NUBPL: variants seen among roughly 807,000 people sequenced by gnomAD.
NUBPL encodes NUBP iron-sulfur cluster assembly factor, mitochondrial.
A neutral mutation model predicts 45.7 loss-of-function variants in NUBPL; 31 were observed. The observed-to-expected ratio is 0.68, with a 90% CI of 0.51 to 0.92. The LOEUF (loss-of-function observed/expected upper bound fraction) is 0.92. Ranked by LOEUF, NUBPL falls within the 40% of genes least tolerant of loss-of-function variation. The pLI, the probability that NUBPL is intolerant of heterozygous loss-of-function variation, is 0.00. For missense variants in NUBPL, 401 were observed against 398.7 expected (o/e 1.01, Z -0.05); for synonymous variants, 144 against 140.9 (o/e 1.02, Z -0.15).
intron 4 of NUBPL, among the ~76,000 whole-genome samples, chr14:31,647,516 C>A (rs564344736): frequency 6.6e-6 from 1 of 152,310 alleles, no homozygotes; most frequent in South Asian, 2.1e-4. Context: ...ATGGAATATT[C>A]TGGCAATGTT....
intron 6 of NUBPL, among the ~76,000 whole-genome samples, chr14:31,729,056 G>A (rs141901637): frequency 0.011 from 1,643 of 152,216 alleles, 24 homozygotes; most frequent in African/African-American, 0.037. Flanking sequence ...TGAGGTGGGC[G>A]GATCACTTGA....
chr14:31,577,253 C>CCTAG (rs1371783311), intron 3 of NUBPL, among the ~76,000 whole-genome samples: 4 of 152,174 alleles, frequency 2.6e-5, no homozygotes, highest in African/African-American at 9.7e-5. Context: ...CTGTCGTGAA[C>CCTAG]CTAGCTAAGA....
At chr14:31,691,903 T>C (rs1178820399) in intron 6 of NUBPL, among the ~76,000 whole-genome samples, 1 of 152,204 alleles carries the variant, frequency 6.6e-6, no homozygotes, top group Non-Finnish European at 1.5e-5. Context: ...TTTGGTAATC[T>C]GCATAATTTC....
At chr14:31,727,613 G>T (rs1223286448) in intron 6 of NUBPL, among the ~76,000 whole-genome samples, 1 of 152,114 alleles carries the variant, frequency 6.6e-6, no homozygotes, top group African/African-American at 2.4e-5. Flanking sequence ...TCTCATGATG[G>T]ATATGGTTTC....
intron 4 of NUBPL, among the ~76,000 whole-genome samples, chr14:31,665,182 G>T (rs1039939123): frequency 2.0e-5 from 3 of 152,086 alleles, no homozygotes; most frequent in Admixed American, 2.0e-4. Context: ...CCAGCTCCTG[G>T]ATTCATTGAT....
At chr14:31,771,923 C>T in intron 6 of NUBPL, 1 of 974,140 alleles carries the variant, frequency 1.0e-6, no homozygotes, top group South Asian at 4.7e-5. Context: ...TTCAGATCAT[C>T]CCTAGCATGC....
intron 6 of NUBPL, among the ~76,000 whole-genome samples, chr14:31,732,456 T>A (rs187462271): frequency 3.3e-4 from 50 of 151,954 alleles, no homozygotes; most frequent in African/African-American, 1.2e-3. Context: ...CAGAAATGAG[T>A]TTTAAAAATG....
chr14:31,582,746 A>G (rs1173265106), intron 3 of NUBPL, among the ~76,000 whole-genome samples: 1 of 152,214 alleles, frequency 6.6e-6, no homozygotes, highest in Non-Finnish European at 1.5e-5. Flanking sequence ...ATTATAAACG[A>G]TACATGTTTT....
At chr14:31,830,496 G>T (rs1343754344) in intron 8 of NUBPL, among the ~76,000 whole-genome samples, 1 of 152,118 alleles carries the variant, frequency 6.6e-6, no homozygotes, top group African/African-American at 2.4e-5. Flanking sequence ...TCCTTTGCCT[G>T]ATAAGCCATG....
chr14:31,596,350 C>G (rs1167426279), intron 3 of NUBPL, among the ~76,000 whole-genome samples: 1 of 152,196 alleles, frequency 6.6e-6, no homozygotes, highest in African/African-American at 2.4e-5. Flanking sequence ...GATAGCTCCT[C>G]TGACGCTGAG....
At chr14:31,585,592 T>A (rs2033975149) in intron 3 of NUBPL, among the ~76,000 whole-genome samples, 1 of 152,240 alleles carries the variant, frequency 6.6e-6, no homozygotes. Flanking sequence ...ATACGGTAAC[T>A]CTCTGTCTAA....
Position 31,852,627 on chromosome 14 carries a change from C to T in NUBPL, c.897+2426C>T, listed in dbSNP as rs565077517. Among the ~76,000 whole-genome samples the T allele has an allele frequency of 8.5e-5, 13 of 152,198 alleles. 1 individual carries two copies. The highest frequency in any genetic ancestry group is 6.8e-3 in the Middle Eastern group (2 of 294). On this transcript the variant is annotated intron_variant, in intron 10 of 10. Coordinates refer to ENST00000281081, the MANE Select transcript of NUBPL (RefSeq NM_025152.3). ...CGGAGGTTGCAGTAAGCCGAGGTCA[C>T]GCCATGGCACTCCAGCCTGGGCAAA...
chr14:31,836,884 A>G (rs1182663396), intron 8 of NUBPL, among the ~76,000 whole-genome samples: 1 of 152,228 alleles, frequency 6.6e-6, no homozygotes, highest in Admixed American at 6.5e-5. Flanking sequence ...ATACAGAGAG[A>G]GACATACACA....
intron 4 of NUBPL, among the ~76,000 whole-genome samples, chr14:31,642,817 C>T (rs1420849099): frequency 2.0e-5 from 3 of 151,988 alleles, no homozygotes; most frequent in African/African-American, 7.2e-5. Flanking sequence ...TAAAAATGTC[C>T]TCTTCAGTTT....
chr14:31,760,751 G>A (rs1260711808), intron 6 of NUBPL, among the ~76,000 whole-genome samples: 1 of 86,008 alleles, frequency 1.2e-5, no homozygotes, highest in Non-Finnish European at 2.3e-5. Context: ...CTTGGTTATT[G>A]TGTCATATAT....
At chr14:31,782,857 T>C (rs975592523) in intron 6 of NUBPL, among the ~76,000 whole-genome samples, 3 of 152,226 alleles carry the variant, frequency 2.0e-5, no homozygotes, top group Admixed American at 6.5e-5. Flanking sequence ...CAGTCTTTTA[T>C]AAATAAGAAC....
intron 6 of NUBPL, among the ~76,000 whole-genome samples, chr14:31,698,422 T>C (rs2037260998): frequency 1.3e-5 from 2 of 152,154 alleles, no homozygotes; most frequent in African/African-American, 4.8e-5. Context: ...TAACTTGTTT[T>C]AGTAACATCC....
At chr14:31,801,222 C>T (rs60654485) in intron 7 of NUBPL, 17,703 of 152,256 alleles carry the variant, frequency 0.12, 2,854 homozygotes, top group African/African-American at 0.37. Context: ...ACAGTCTCAT[C>T]TCCTTTTGTC....
chr14:31,817,528 A>T (rs2039942305), intron 7 of NUBPL, among the ~76,000 whole-genome samples: 1 of 152,252 alleles, frequency 6.6e-6, no homozygotes, highest in Non-Finnish European at 1.5e-5. Context: ...AATACTCAAC[A>T]TTCTTAAAGA....
Sources: gnomAD v4.1 joint callset for allele counts (sites outside exome capture counted in the v4.1 genomes callset) on GRCh38, gnomAD v4.1.1 for gene constraint, MANE v1.5 for transcripts, NCBI Gene and HGNC (gene_info 2026-07-23, HGNC 2026-07-21) for gene names.